Variants in NR2E1 observed in about 807,000 individuals in gnomAD.
NR2E1 encodes nuclear receptor subfamily 2 group E member 1.
NR2E1 carries 5 observed loss-of-function variants against 43.6 expected under a neutral mutation model. The observed-to-expected ratio is 0.11, with a 90% CI of 0.06 to 0.24. NR2E1 has a LOEUF of 0.24. Ranked by LOEUF, NR2E1 falls within the 10% of genes least tolerant of loss-of-function variation. The pLI is 1.00. For synonymous variants in NR2E1, 191 were observed against 195.5 expected, an observed-to-expected ratio of 0.98 and a Z score of 0.19; for missense variants, 287 against 496.7, an observed-to-expected ratio of 0.58 and a Z score of 4.01.
At chr6:108,181,185 T>G (rs994848944) in intron 7 of NR2E1, among the ~76,000 whole-genome samples, 1 of 151,914 alleles carries the variant, frequency 6.6e-6, no homozygotes, top group African/African-American at 2.4e-5. Context: ...TTTTCTTTCT[T>G]TTTTTTTATT....
intron 4 of NR2E1, among the ~76,000 whole-genome samples, 199 bp from the exon 5 acceptor site, chr6:108,177,896 C>G (rs1582446934): frequency 6.6e-6 from 1 of 152,312 alleles, no homozygotes; most frequent in East Asian, 1.9e-4. Context: ...TGGACCTCCC[C>G]CAACCAGTAT....
At chr6:108,173,211 A>G (rs969434899) in intron 2 of NR2E1, among the ~76,000 whole-genome samples, 2 of 152,212 alleles carry the variant, frequency 1.3e-5, no homozygotes, top group Non-Finnish European at 2.9e-5. Context: ...ATTTATATAC[A>G]TTTGATCTGA....
At chr6:108,172,552 C>T (rs571163054) in intron 2 of NR2E1, among the ~76,000 whole-genome samples, 91 of 152,264 alleles carry the variant, frequency 6.0e-4, no homozygotes, top group African/African-American at 2.1e-3. Context: ...TCCTTATCAG[C>T]GACTCAGACC....
rs1051214266 is a variant in NR2E1 at position 108,166,978 on chromosome 6, T to A, written c.25+188T>A. Among the ~76,000 whole-genome samples, 4 of 152,192 alleles carry A rather than the reference T, an allele frequency of 2.6e-5. No individual in the cohort carries two copies. Among genetic ancestry groups the A allele is most frequent in the Middle Eastern group, 6.8e-3 (2 of 294 alleles). On this transcript the variant is annotated intron_variant, in intron 1 of 8. Transcript: ENST00000368986. The surrounding 1 kb of genome is among the most constrained non-coding windows in gnomAD (Gnocchi z 7.2). ...GCATTTCGTGGAGAGGGGAGAGCCG[T>A]TTCGTTGCCTCTGGATTGCTTGATC...
rs374344041 is a variant in NR2E1, at chr6:108,181,638, T to C, written c.982T>C (p.Tyr328His). Residue 328 changes from tyrosine to histidine, a missense_variant, in exon 8 of 9, where the codon TAC becomes CAC. By Grantham distance (83) the Tyr-to-His change is moderately conservative. Transcript: ENST00000368986. ...QDEAQLTLNSYIHTRYPTQPC... is the reference protein window; with the variant it reads ...QDEAQLTLNSHIHTRYPTQPC... ...TGAGGCTCAGCTAACGCTCAACAGC[T>C]ACATCCATACCAGGTGACCCTTGTT... The C allele has an allele frequency of 7.4e-6, 12 of 1,614,032 alleles. No homozygotes were observed. The highest frequency in any genetic ancestry group is 9.3e-6 in the Non-Finnish European group (11 of 1,179,844).
intron 2 of NR2E1, among the ~76,000 whole-genome samples, chr6:108,172,684 G>A (rs1181649800): frequency 6.6e-6 from 1 of 152,220 alleles, no homozygotes; most frequent in African/African-American, 2.4e-5. Flanking sequence ...TAGGGTACAT[G>A]TATACACATG....
At chr6:108,168,073 G>C (rs751474387) in intron 1 of NR2E1, 15 of 1,603,520 alleles carry the variant, frequency 9.4e-6, no homozygotes, top group Non-Finnish European at 1.3e-5. Flanking sequence ...CCCTCACCGC[G>C]GCCGGAATGC....
At chr6:108,174,062 G>A (rs1008032520) in intron 2 of NR2E1, among the ~76,000 whole-genome samples, 1 of 152,160 alleles carries the variant, frequency 6.6e-6, no homozygotes, top group African/African-American at 2.4e-5. Context: ...TTTACATGGT[G>A]AGCATTTCTA....
At position 108,180,848 on chromosome 6, in the gene NR2E1, A is replaced by T. The variant is rs1014980141; in HGVS notation, c.781A>T (p.Ile261Phe). The change falls in exon 7 of 9, where the codon ATC becomes TTC. Residue 261 changes from isoleucine to phenylalanine, a missense_variant. Around this residue, in one of 4 missense-constraint regions of NR2E1, gnomAD observed 119 missense variants for 187.0 expected, o/e 0.64. Coordinates refer to ENST00000368986, the MANE Select transcript of NR2E1 (RefSeq NM_003269.5). This position sits in a 1 kb window ranked among gnomAD's most constrained non-coding sequence, Gnocchi z 5.4. ...DNTDSQKLNK[I>F]ISEIQALQEV... is the part of the protein sequence containing the mutation. ...CACAGATTCCCAGAAGCTGAACAAGATCATATCTGAAATACAGGCTTTACA... is the reference window on the plus strand; with the variant it reads ...CACAGATTCCCAGAAGCTGAACAAGTTCATATCTGAAATACAGGCTTTACA... The T allele has an allele frequency of 1.2e-6, 2 of 1,614,008 alleles. No homozygotes were observed. The highest frequency in any genetic ancestry group is 3.3e-5 in the Admixed American group (2 of 60,006).
At chr6:108,179,946 A>T (rs549356924) in intron 5 of NR2E1, among the ~76,000 whole-genome samples, 36 of 152,194 alleles carry the variant, frequency 2.4e-4, no homozygotes, top group African/African-American at 6.5e-4. Context: ...AGGAATCCTC[A>T]ACCCTGCTAA....
intron 8 of NR2E1, among the ~76,000 whole-genome samples, chr6:108,183,838 G>A (rs1340053984): frequency 6.6e-6 from 1 of 152,134 alleles, no homozygotes; most frequent in Non-Finnish European, 1.5e-5. Context: ...AATATATATA[G>A]TAGGCAGTTA....
intron 1 of NR2E1, chr6:108,168,773 C>G: frequency 6.6e-6 from 1 of 152,350 alleles, no homozygotes; most frequent in African/African-American, 2.4e-5. Context: ...AGGACTGGGT[C>G]GAGCAGACAG....
intron 1 of NR2E1, chr6:108,168,238 C>A: frequency 7.1e-7 from 1 of 1,416,236 alleles, no homozygotes; most frequent in South Asian, 1.4e-5. Flanking sequence ...GAGGCCGTTT[C>A]TGTTGCATTC....
intron 7 of NR2E1, 80 bp downstream of exon 7, chr6:108,181,036 T>A: frequency 6.8e-7 from 1 of 1,461,178 alleles, no homozygotes; most frequent in Non-Finnish European, 9.6e-7. Flanking sequence ...AAGTCTGAAC[T>A]GACCTTTGCA....
At chr6:108,184,223 C>CA (rs1231730353) in intron 8 of NR2E1, among the ~76,000 whole-genome samples, 5 of 151,812 alleles carry the variant, frequency 3.3e-5, no homozygotes, top group African/African-American at 7.3e-5. Context: ...ATTAAAAAGA[C>CA]AAAAAAACAA....
intron 8 of NR2E1, among the ~76,000 whole-genome samples, chr6:108,182,236 C>T (rs1220395519): frequency 2.3e-5 from 3 of 130,766 alleles, no homozygotes; most frequent in Admixed American, 7.8e-5. Flanking sequence ...AGCGAGACTC[C>T]GTCTCAAAAA....
intron 5 of NR2E1, chr6:108,179,379 AG>A (rs1249230344): frequency 1.3e-5 from 2 of 152,176 alleles, no homozygotes; most frequent in Non-Finnish European, 2.9e-5. Flanking sequence ...AGCTCCCAAA[AG>A]AAATCCTTTT....
chr6:108,170,354 C>G (rs942281132), intron 1 of NR2E1, among the ~76,000 whole-genome samples: 1 of 152,196 alleles, frequency 6.6e-6, no homozygotes, highest in Non-Finnish European at 1.5e-5. Context: ...CAGTTTAATA[C>G]TCCCTTTGTT....
At chr6:108,176,770 G>A (rs747803803) in intron 4 of NR2E1, 32 bp downstream of exon 4, 1 of 1,531,380 alleles carries the variant, frequency 6.5e-7, no homozygotes, top group Non-Finnish European at 8.8e-7. Flanking sequence ...AAAGAGACTC[G>A]TGCCAGCGAA....
Sources: gnomAD v4.1 joint callset for allele counts (sites outside exome capture counted in the v4.1 genomes callset) on GRCh38, gnomAD v4.1.1 for gene constraint, gnomAD v4.1.1 regional missense constraint, Gnocchi (gnomAD v3.1) non-coding constraint, MANE v1.5 for transcripts, NCBI Gene and HGNC (gene_info 2026-07-23, HGNC 2026-07-21) for gene names.